Variants in ARFGEF1 observed in about 807,000 individuals in gnomAD.
ARFGEF1 encodes the protein brefeldin A-inhibited guanine nucleotide-exchange protein 1.
A neutral mutation model predicts 231.0 loss-of-function variants in ARFGEF1; 42 were observed. The observed-to-expected ratio is 0.18, with a 90% CI of 0.14 to 0.24. ARFGEF1 has a LOEUF of 0.24. Ranked by LOEUF, ARFGEF1 falls within the 10% of genes least tolerant of loss-of-function variation. The pLI is 1.00. For missense variants in ARFGEF1, 1,345 were observed against 2,192.0 expected, an observed-to-expected ratio of 0.61 and a Z score of 7.72; for synonymous variants, 710 against 732.3, an observed-to-expected ratio of 0.97 and a Z score of 0.49.
At chr8:67,185,112 A>AAC (rs1563782326) in intron 5 of ARFGEF1, among the ~76,000 whole-genome samples, 12 of 150,946 alleles carry the variant, frequency 7.9e-5, no homozygotes, top group African/African-American at 3.0e-4. Flanking sequence ...CTCAAAAAAA[A>AAC]AAAAACAAAA....
At chr8:67,315,322 A>T (rs899134794) in intron 1 of ARFGEF1, among the ~76,000 whole-genome samples, 1 of 152,188 alleles carries the variant, frequency 6.6e-6, no homozygotes, top group African/African-American at 2.4e-5. Flanking sequence ...GAAGAAGTAA[A>T]CATCCCTCTT....
chr8:67,296,337 A>G (rs1284632474), intron 5 of ARFGEF1, 94 bp downstream of exon 5: 48 of 1,084,368 alleles, frequency 4.4e-5, no homozygotes, highest in Non-Finnish European at 7.9e-6. Flanking sequence ...TCTTTTCTAC[A>G]GGTACAAAGA....
At chr8:67,190,884 C>A in intron 5 of ARFGEF1, 1 of 689,190 alleles carries the variant, frequency 1.5e-6, no homozygotes, top group Non-Finnish European at 2.6e-6. Flanking sequence ...GGGTCTGAAT[C>A]TAGGCTCTGC....
At chr8:67,231,350 G>A (rs147342688) in intron 23 of ARFGEF1, among the ~76,000 whole-genome samples, 13 of 152,150 alleles carry the variant, frequency 8.5e-5, no homozygotes, top group African/African-American at 2.9e-4. Flanking sequence ...TTGGATTTAT[G>A]TTTTTAGAAG....
intron 1 of ARFGEF1, among the ~76,000 whole-genome samples, chr8:67,326,944 A>C (rs2128930608): frequency 6.6e-6 from 1 of 152,378 alleles, no homozygotes; most frequent in South Asian, 2.1e-4. Flanking sequence ...TTGAAGAACA[A>C]AACAATTTCC....
chr8:67,328,530 C>T (rs1807946520), intron 1 of ARFGEF1, among the ~76,000 whole-genome samples: 1 of 152,116 alleles, frequency 6.6e-6, no homozygotes, highest in African/African-American at 2.4e-5. Flanking sequence ...AATGAGTTAT[C>T]CATATGTTAC....
chr8:67,222,204 T>C (rs78859234), intron 29 of ARFGEF1, among the ~76,000 whole-genome samples: 6,575 of 114,398 alleles, frequency 0.057, 230 homozygotes, highest in Middle Eastern at 0.098. Context: ...TATATATATA[T>C]ACACACACAT....
chr8:67,301,524 A>G (rs1806489636), intron 2 of ARFGEF1, 144 bp from the exon 3 acceptor site: 1 of 860,308 alleles, frequency 1.2e-6, no homozygotes, highest in Admixed American at 3.5e-5. Context: ...AGGAAACCCA[A>G]GCCCAGAGAA....
At chr8:67,231,355 T>C (rs749076028) in intron 23 of ARFGEF1, among the ~76,000 whole-genome samples, 1 of 152,112 alleles carries the variant, frequency 6.6e-6, no homozygotes, top group Non-Finnish European at 1.5e-5. Flanking sequence ...TTTATGTTTT[T>C]AGAAGTATCT....
intron 1 of ARFGEF1, among the ~76,000 whole-genome samples, chr8:67,341,006 T>C (rs900176930): frequency 7.9e-5 from 12 of 152,188 alleles, no homozygotes; most frequent in Non-Finnish European, 1.3e-4. Context: ...ATCACATTTA[T>C]GGCACATTAG....
At chr8:67,189,191 T>G (rs1180830299) in intron 5 of ARFGEF1, among the ~76,000 whole-genome samples, 1 of 152,220 alleles carries the variant, frequency 6.6e-6, no homozygotes, top group Non-Finnish European at 1.5e-5. Context: ...GTAGTCAATT[T>G]TGGAAGACAG....
intron 1 of ARFGEF1, among the ~76,000 whole-genome samples, chr8:67,334,637 C>T (rs1281277651): frequency 1.3e-5 from 2 of 152,130 alleles, no homozygotes; most frequent in African/African-American, 4.8e-5. Context: ...ATATTCATGG[C>T]AGTATTATTC....
At chr8:67,305,209 T>C (rs751673325) in intron 1 of ARFGEF1, among the ~76,000 whole-genome samples, 9 of 152,156 alleles carry the variant, frequency 5.9e-5, no homozygotes, top group Non-Finnish European at 1.2e-4. Context: ...AAAGGTTCCT[T>C]ATATTCTAAA....
At chr8:67,253,408 T>G (rs1401431118) in intron 18 of ARFGEF1, 43 bp downstream of exon 18, 1 of 1,395,846 alleles carries the variant, frequency 7.2e-7, no homozygotes, top group Admixed American at 2.1e-5. Context: ...AACCCATATT[T>G]TTCCCCTTGA....
chr8:67,289,687 T>G (rs1362876279), intron 6 of ARFGEF1, among the ~76,000 whole-genome samples: 2 of 151,728 alleles, frequency 1.3e-5, no homozygotes, highest in African/African-American at 4.8e-5. Context: ...CCAAAAATAC[T>G]GAATGCCACA....
At chr8:67,297,773 T>C (rs905239573) in intron 4 of ARFGEF1, among the ~76,000 whole-genome samples, 4 of 151,786 alleles carry the variant, frequency 2.6e-5, no homozygotes, top group Admixed American at 1.3e-4. Flanking sequence ...CATGAAACTA[T>C]ACATGATAGG....
intron 16 of ARFGEF1, 61 bp downstream of exon 16, chr8:67,258,024 G>T: frequency 6.9e-7 from 1 of 1,441,670 alleles, no homozygotes. Context: ...ATCCCTGGAT[G>T]CTACCTAGCA....
At chr8:67,228,702 A>G (rs1467397946) in intron 23 of ARFGEF1, among the ~76,000 whole-genome samples, 1 of 152,060 alleles carries the variant, frequency 6.6e-6, no homozygotes, top group Non-Finnish European at 1.5e-5. Context: ...TAGAAAGTTC[A>G]TTTACACTAA....
intron 17 of ARFGEF1, 82 bp from the exon 18 acceptor site, chr8:67,253,704 A>G: frequency 1.3e-6 from 1 of 757,060 alleles, no homozygotes; most frequent in Non-Finnish European, 1.9e-6. Flanking sequence ...TATTTACATA[A>G]GAGATTTTGT....
Sources: gnomAD v4.1 joint callset for allele counts (sites outside exome capture counted in the v4.1 genomes callset) on GRCh38, gnomAD v4.1.1 for gene constraint, MANE v1.5 for transcripts, NCBI Gene and HGNC (gene_info 2026-07-23, HGNC 2026-07-21) for gene names.